PLCG2: variants seen among roughly 807,000 people sequenced by gnomAD.
The protein encoded by PLCG2 is 1-phosphatidylinositol 4,5-bisphosphate phosphodiesterase gamma-2.
Under a neutral mutation model 175.6 loss-of-function variants are expected in PLCG2, and 69 were observed. That is an observed-to-expected ratio of 0.39 (90% CI 0.32 to 0.48). PLCG2 has a LOEUF of 0.48. PLCG2 is among the 20% of genes least tolerant of loss of function. PLCG2 has a pLI of 0.91. For synonymous variants in PLCG2, 827 were observed against 624.0 expected (o/e 1.33, Z -4.85); for missense variants, 1,798 against 1,650.9 (o/e 1.09, Z -1.54).
At chr16:81,750,511 T>C (rs1020592726) in intron 1 of PLCG2, among the ~76,000 whole-genome samples, 2 of 151,936 alleles carry the variant, frequency 1.3e-5, no homozygotes, top group Non-Finnish European at 2.9e-5. Flanking sequence ...GAAAGATGTC[T>C]GCACTGTCAG....
chr16:81,891,686 G>C, intron 11 of PLCG2, 96 bp downstream of exon 11: 1 of 741,650 alleles, frequency 1.3e-6, no homozygotes, highest in African/African-American at 1.7e-5. Context: ...GCCCTGTTGT[G>C]AAGCAGGTGG....
intron 1 of PLCG2, among the ~76,000 whole-genome samples, chr16:81,741,542 G>T (rs1909594430): frequency 6.6e-6 from 1 of 152,174 alleles, no homozygotes; most frequent in African/African-American, 2.4e-5. Context: ...AGACGTGGTG[G>T]CTCACACCTT....
chr16:81,946,092 T>C (rs1911137814), intron 30 of PLCG2, 83 bp from the exon 31 acceptor site: 4 of 1,013,780 alleles, frequency 3.9e-6, no homozygotes, highest in Non-Finnish European at 4.7e-6. Context: ...ACTAGGCCTA[T>C]GATCCCGAGG....
chr16:81,872,141 A>C (rs1907546012), intron 7 of PLCG2, among the ~76,000 whole-genome samples: 1 of 152,204 alleles, frequency 6.6e-6, no homozygotes, highest in African/African-American at 2.4e-5. Flanking sequence ...GAGCCTGGTC[A>C]ACATGGCAAA....
chr16:81,924,426 A>C (rs1910177963), intron 22 of PLCG2, among the ~76,000 whole-genome samples: 1 of 152,228 alleles, frequency 6.6e-6, no homozygotes, highest in Non-Finnish European at 1.5e-5. Context: ...ACTTCATTTG[A>C]AATAACTGAG....
intron 21 of PLCG2, chr16:81,921,685 G>T: frequency 3.8e-6 from 1 of 265,756 alleles, no homozygotes. Flanking sequence ...GGTAGGGATG[G>T]ATTTTACTTT....
chr16:81,909,288 G>C (rs1909514225), intron 17 of PLCG2, among the ~76,000 whole-genome samples: 1 of 152,142 alleles, frequency 6.6e-6, no homozygotes, highest in East Asian at 1.9e-4. Flanking sequence ...CCCTTTATTG[G>C]GGGGGTTTAA....
At chr16:81,950,894 A>G (rs1040050002) in intron 31 of PLCG2, among the ~76,000 whole-genome samples, 8 of 152,258 alleles carry the variant, frequency 5.3e-5, no homozygotes, top group African/African-American at 1.9e-4. Context: ...CACCAATAAA[A>G]TAGAACAAAG....
At position 81,900,760 on chromosome 16, in the gene PLCG2, C is replaced by T. The variant is rs200919414; in HGVS notation, c.1342C>T (p.Arg448Trp). ...CCAGCTGCCCTCGCCCAGCCAGCTG[C>T]GGGAGAAGATCATCATCAAGGTAGG... is the stretch of plus-strand genomic sequence containing the variant. ...ADQLPSPSQL[R>W]EKIIIKHKKL... is the part of the protein sequence containing the mutation. The change falls in exon 14 of 33, where the codon CGG becomes TGG. Residue 448 changes from arginine (R) to tryptophan (W), a missense_variant. Arg to Trp is a moderately radical substitution (Grantham distance 101). Coordinates refer to ENST00000564138, the MANE Select transcript of PLCG2 (RefSeq NM_002661.5). 222 of 1,602,052 alleles carry T rather than the reference C, an allele frequency of 1.4e-4. No homozygotes were observed. The African/African-American group carries it at 2.3e-3, about 16-fold the overall frequency.
chr16:81,794,953 C>A (rs1911400708), intron 2 of PLCG2, among the ~76,000 whole-genome samples: 1 of 152,284 alleles, frequency 6.6e-6, no homozygotes, highest in South Asian at 2.1e-4. Context: ...GTGCTATAGC[C>A]CTTCTCTTAT....
At chr16:81,784,456 C>G (rs1456854929) in intron 1 of PLCG2, among the ~76,000 whole-genome samples, 2 of 152,190 alleles carry the variant, frequency 1.3e-5, no homozygotes, top group African/African-American at 4.8e-5. Context: ...GAAGGCTGAG[C>G]CCGGCTGGAA....
chr16:81,760,072 G>C (rs1910006698), intron 2 of PLCG2, among the ~76,000 whole-genome samples: 1 of 152,250 alleles, frequency 6.6e-6, no homozygotes, highest in Non-Finnish European at 1.5e-5. Flanking sequence ...CTTGCAGTGA[G>C]CCGAGATCGC....
chr16:81,904,786 A>C (rs570966163), intron 14 of PLCG2, among the ~76,000 whole-genome samples: 18 of 152,254 alleles, frequency 1.2e-4, no homozygotes, highest in Non-Finnish European at 2.5e-4. Context: ...GTGAGGACAG[A>C]AGACAAACAC....
intron 13 of PLCG2, among the ~76,000 whole-genome samples, chr16:81,900,111 C>CAT (rs75875467): frequency 0.25 from 37,907 of 151,960 alleles, 4,999 homozygotes; most frequent in Middle Eastern, 0.33. Context: ...TGCATGCACA[C>CAT]ATGCAAATTA....
At chr16:81,889,051 G>A in intron 9 of PLCG2, 121 bp from the exon 10 acceptor site, 1 of 625,794 alleles carries the variant, frequency 1.6e-6, no homozygotes, top group South Asian at 1.9e-5. Context: ...GTGGTCGATT[G>A]CAAGTGAATT....
intron 31 of PLCG2, among the ~76,000 whole-genome samples, chr16:81,948,073 C>T (rs999147314): frequency 7.2e-6 from 1 of 139,822 alleles, no homozygotes; most frequent in Non-Finnish European, 1.7e-5. Context: ...AAGTCGTTGG[C>T]AGTTCTTTAC....
intron 5 of PLCG2, among the ~76,000 whole-genome samples, chr16:81,862,878 AAAAAC>A (rs940171709): frequency 4.6e-5 from 7 of 152,212 alleles, no homozygotes; most frequent in South Asian, 2.1e-4. Flanking sequence ...TCTCAAAAAC[AAAAAC>A]AAAACAAAAC....
intron 7 of PLCG2, among the ~76,000 whole-genome samples, chr16:81,877,109 C>A: frequency 6.6e-6 from 1 of 152,168 alleles, no homozygotes; most frequent in South Asian, 2.1e-4. Flanking sequence ...CTCATGGAGC[C>A]CATGTTCATT....
At chr16:81,867,771 C>T (rs978440217) in intron 5 of PLCG2, among the ~76,000 whole-genome samples, 1 of 152,152 alleles carries the variant, frequency 6.6e-6, no homozygotes, top group Non-Finnish European at 1.5e-5. Context: ...GATCTCGGCT[C>T]ACTGCAAGCT....
Sources: allele counts gnomAD v4.1 joint callset (sites outside exome capture counted in the v4.1 genomes callset), GRCh38; gene constraint gnomAD v4.1.1; transcripts MANE v1.5; gene names NCBI Gene and HGNC (gene_info 2026-07-23, HGNC 2026-07-21).